The following EYS variants were observed in gnomAD, a reference collection of about 807,000 sequenced individuals.
EYS encodes EGF-like photoreceptor maintenance factor.
EYS carries 250 observed loss-of-function variants against 282.1 expected under a neutral mutation model. That is an observed-to-expected ratio of 0.89 (90% CI 0.80 to 0.98). The LOEUF is 0.98. EYS is among the 50% of genes least tolerant of loss of function. EYS has a pLI of 0.00. For missense variants in EYS, 4,016 were observed against 3,709.0 expected (o/e 1.08, Z -2.15); for synonymous variants, 1,355 against 1,282.9 (o/e 1.06, Z -1.20).
chr6:64,874,656 T>C (rs1248202335), intron 19 of EYS, among the ~76,000 whole-genome samples: 2 of 152,122 alleles, frequency 1.3e-5, no homozygotes, highest in African/African-American at 4.8e-5. Context: ...AGAAATCTTA[T>C]TATGGTTACT....
intron 31 of EYS, among the ~76,000 whole-genome samples, chr6:64,156,871 TTA>T (rs1491309393): frequency 2.0e-5 from 3 of 149,956 alleles, no homozygotes; most frequent in African/African-American, 7.6e-5. Flanking sequence ...AGTTTTTTTT[TTA>T]ATTTTTAATT....
intron 12 of EYS, among the ~76,000 whole-genome samples, chr6:65,225,686 C>A: frequency 6.7e-6 from 1 of 148,498 alleles, no homozygotes. Flanking sequence ...TGCACTCCAG[C>A]CTGGGTAACT....
At chr6:64,329,768 C>T (rs189584297) in intron 29 of EYS, among the ~76,000 whole-genome samples, 72 of 152,152 alleles carry the variant, frequency 4.7e-4, no homozygotes, top group South Asian at 1.0e-3. Flanking sequence ...TAAAGCCCCC[C>T]GGAGATTACC....
At chr6:64,135,376 A>G (rs1774126008) in intron 31 of EYS, among the ~76,000 whole-genome samples, 1 of 152,108 alleles carries the variant, frequency 6.6e-6, no homozygotes, top group South Asian at 2.1e-4. Context: ...AATTGCACAT[A>G]TGATCAAAAT....
At chr6:65,588,570 C>T (rs1355624861) in intron 2 of EYS, among the ~76,000 whole-genome samples, 3 of 151,792 alleles carry the variant, frequency 2.0e-5, no homozygotes, top group African/African-American at 7.3e-5. Context: ...CCTCTGTATT[C>T]GAAATATAAT....
intron 31 of EYS, among the ~76,000 whole-genome samples, chr6:64,195,843 C>G (rs1159890930): frequency 6.6e-6 from 1 of 152,120 alleles, no homozygotes; most frequent in Non-Finnish European, 1.5e-5. Context: ...TTGAGGACTT[C>G]ATGTCTAAAA....
chr6:65,524,676 C>T (rs1767491566), intron 2 of EYS, among the ~76,000 whole-genome samples: 1 of 152,148 alleles, frequency 6.6e-6, no homozygotes, highest in East Asian at 1.9e-4. Context: ...ACTTCATTTG[C>T]CATGAAGTGA....
At chr6:64,409,021 T>C (rs1317384242) in intron 28 of EYS, among the ~76,000 whole-genome samples, 4 of 152,114 alleles carry the variant, frequency 2.6e-5, no homozygotes, top group Admixed American at 2.6e-4. Context: ...TGTTTAGCTC[T>C]CACTTATAAG....
intron 26 of EYS, among the ~76,000 whole-genome samples, chr6:64,537,859 T>C (rs1336772304): frequency 6.6e-6 from 1 of 152,178 alleles, no homozygotes; most frequent in East Asian, 1.9e-4. Context: ...TGTTTAGAAA[T>C]CAAATAGGAG....
chr6:63,963,823 G>A (rs1766187413), intron 35 of EYS, among the ~76,000 whole-genome samples: 1 of 152,098 alleles, frequency 6.6e-6, no homozygotes, highest in South Asian at 2.1e-4. Context: ...ATTACTGATG[G>A]TAGGAAAGTA....
intron 15 of EYS, among the ~76,000 whole-genome samples, chr6:64,928,768 A>C (rs1189943788): frequency 6.6e-6 from 1 of 152,042 alleles, no homozygotes; most frequent in African/African-American, 2.4e-5. Context: ...AACACTTTTA[A>C]TCTGAACCTG....
chr6:65,639,580 C>A (rs749029004), intron 2 of EYS, among the ~76,000 whole-genome samples, 198 bp downstream of exon 2: 5 of 151,912 alleles, frequency 3.3e-5, no homozygotes, highest in Non-Finnish European at 4.4e-5. Context: ...ACACTTTTAG[C>A]GGATCTAAAG....
intron 1 of EYS, among the ~76,000 whole-genome samples, chr6:65,670,176 G>T (rs1345298717): frequency 6.6e-6 from 1 of 151,852 alleles, no homozygotes; most frequent in Non-Finnish European, 1.5e-5. Flanking sequence ...CTCTAGTTTA[G>T]ATGCCTTCTA....
At chr6:64,286,023 AT>A (rs1430135571) in intron 30 of EYS, among the ~76,000 whole-genome samples, 1 of 152,202 alleles carries the variant, frequency 6.6e-6, no homozygotes, top group Non-Finnish European at 1.5e-5. Flanking sequence ...GACAAATAGG[AT>A]ATGCCACATA....
intron 13 of EYS, among the ~76,000 whole-genome samples, chr6:65,016,432 T>G (rs115284024): frequency 5.2e-4 from 79 of 152,210 alleles, no homozygotes; most frequent in African/African-American, 1.9e-3. Flanking sequence ...TCTAGTAGCT[T>G]GAATTTTAGT....
rs1418081276 is a variant in EYS at position 65,101,519 on chromosome 6, A to G, written c.2024-43792T>C. ...AACATGAATTTTGTTTACATACAATATTAAGAAAGAAACAGCCAAATCTAA... is the reference window on the plus strand; with the variant it reads ...AACATGAATTTTGTTTACATACAATGTTAAGAAAGAAACAGCCAAATCTAA... On this transcript the variant is annotated intron_variant, in intron 12 of 42. Coordinates refer to ENST00000503581, the MANE Select transcript of EYS (RefSeq NM_001142800.2). 2.0e-5 allele frequency among the ~76,000 whole-genome samples: 3 copies of G among 151,296 alleles called. No individual in the cohort carries two copies. In the East Asian group the frequency reaches 5.8e-4, roughly 29 times the overall value.
At chr6:63,814,035 C>T (rs529649692) in intron 36 of EYS, among the ~76,000 whole-genome samples, 4 of 152,300 alleles carry the variant, frequency 2.6e-5, no homozygotes, top group South Asian at 4.1e-4. Flanking sequence ...TTGTTCTTAA[C>T]TTCTTAGTAA....
chr6:65,172,797 A>T (rs1427037551), intron 12 of EYS, among the ~76,000 whole-genome samples: 1 of 151,222 alleles, frequency 6.6e-6, no homozygotes, highest in African/African-American at 2.4e-5. Flanking sequence ...AATAATACTT[A>T]TTGAGAGTAT....
At chr6:64,971,027 T>C (rs1770275571) in intron 14 of EYS, among the ~76,000 whole-genome samples, 1 of 152,178 alleles carries the variant, frequency 6.6e-6, no homozygotes, top group Non-Finnish European at 1.5e-5. Context: ...GGCATAACTA[T>C]AGACTCTGAT....
Sources: allele counts gnomAD v4.1 joint callset (sites outside exome capture counted in the v4.1 genomes callset), GRCh38; gene constraint gnomAD v4.1.1; transcripts MANE v1.5; gene names NCBI Gene and HGNC (gene_info 2026-07-23, HGNC 2026-07-21).